The following LIMS1 variants were observed in gnomAD, a reference collection of about 807,000 sequenced individuals.
The protein encoded by LIMS1 is LIM and senescent cell antigen-like-containing domain protein 1.
In LIMS1, 18 loss-of-function variants were observed where a neutral mutation model predicts 44.1. The observed-to-expected ratio is 0.41, with a 90% CI of 0.28 to 0.61. The LOEUF is 0.61. Ranked by LOEUF, LIMS1 falls within the 20% of genes least tolerant of loss-of-function variation. LIMS1 has a pLI of 0.32. For missense variants in LIMS1, 201 were observed against 422.0 expected, an observed-to-expected ratio of 0.48 and a Z score of 4.59; for synonymous variants, 93 against 149.1, an observed-to-expected ratio of 0.62 and a Z score of 2.74.
At chr2:108,598,697 C>T (rs1420728671) in intron 1 of LIMS1, among the ~76,000 whole-genome samples, 1 of 152,202 alleles carries the variant, frequency 6.6e-6, no homozygotes, top group Non-Finnish European at 1.5e-5. Flanking sequence ...TCAGGCAACA[C>T]GGAAGCTGTG....
chr2:108,577,605 A>G (rs768845950), intron 1 of LIMS1, among the ~76,000 whole-genome samples: 1 of 152,214 alleles, frequency 6.6e-6, no homozygotes, highest in Non-Finnish European at 1.5e-5. Flanking sequence ...TAACACTTGC[A>G]TTTGCTCAAA....
At chr2:108,618,823 CAAAA>C (rs36086497) in intron 1 of LIMS1, among the ~76,000 whole-genome samples, 2 of 85,704 alleles carry the variant, frequency 2.3e-5, no homozygotes, top group African/African-American at 4.3e-5. Flanking sequence ...GACTCCGTCT[CAAAA>C]AAAAAAAAAA....
chr2:108,548,778 G>A (rs1268693915), intron 1 of LIMS1, among the ~76,000 whole-genome samples: 1 of 152,164 alleles, frequency 6.6e-6, no homozygotes, highest in Non-Finnish European at 1.5e-5. Flanking sequence ...CGGAAGTTAC[G>A]GCGATAGGTT....
intron 1 of LIMS1, among the ~76,000 whole-genome samples, chr2:108,603,495 CTTTTTTTTTT>C (rs55909729): frequency 4.5e-5 from 4 of 88,224 alleles, no homozygotes; most frequent in Admixed American, 1.7e-4. Context: ...TTTTCATCGC[CTTTTTTTTTT>C]TTTTTTTTTT....
intron 5 of LIMS1, among the ~76,000 whole-genome samples, chr2:108,675,457 C>T (rs1692474984): frequency 6.6e-6 from 1 of 152,126 alleles, no homozygotes; most frequent in African/African-American, 2.4e-5. Context: ...GAGGTCCTAC[C>T]TCTCAACACC....
intron 1 of LIMS1, among the ~76,000 whole-genome samples, chr2:108,535,612 C>G (rs563594418): frequency 1.3e-5 from 2 of 152,296 alleles, no homozygotes; most frequent in Admixed American, 1.3e-4. Context: ...TTAATAGCGC[C>G]GAATAACATT....
intron 5 of LIMS1, chr2:108,673,788 ATT>A (rs1196534507): frequency 6.6e-6 from 1 of 152,138 alleles, no homozygotes; most frequent in East Asian, 1.9e-4. Context: ...CCCCAGAAAT[ATT>A]TGTCATCACT....
chr2:108,553,922 T>C (rs1258303902), intron 1 of LIMS1, among the ~76,000 whole-genome samples: 1 of 152,138 alleles, frequency 6.6e-6, no homozygotes, highest in Non-Finnish European at 1.5e-5. Flanking sequence ...GGGACAAACA[T>C]TTGTGTAGTG....
chr2:108,576,607 G>C (rs1353898029), intron 1 of LIMS1, among the ~76,000 whole-genome samples: 4 of 151,910 alleles, frequency 2.6e-5, no homozygotes, highest in Admixed American at 6.6e-5. Context: ...CACCATATTG[G>C]CCAGGCTGGT....
intron 1 of LIMS1, among the ~76,000 whole-genome samples, chr2:108,627,593 T>C (rs1042759009): frequency 2.0e-5 from 3 of 152,180 alleles, no homozygotes; most frequent in Non-Finnish European, 4.4e-5. Context: ...AAACAAAATC[T>C]TGAAGTCTCA....
At chr2:108,578,358 C>T (rs1573361918) in intron 1 of LIMS1, among the ~76,000 whole-genome samples, 1 of 152,264 alleles carries the variant, frequency 6.6e-6, no homozygotes, top group Non-Finnish European at 1.5e-5. Context: ...TTAATCTCTA[C>T]ATCCTTTCAT....
intron 1 of LIMS1, among the ~76,000 whole-genome samples, chr2:108,597,324 C>T (rs1364842076): frequency 2.0e-5 from 3 of 152,132 alleles, no homozygotes; most frequent in Non-Finnish European, 4.4e-5. Context: ...TTTTGTATAA[C>T]TTCCAGGAAT....
intron 1 of LIMS1, among the ~76,000 whole-genome samples, chr2:108,579,932 G>C (rs1248978463): frequency 3.3e-5 from 5 of 152,236 alleles, no homozygotes; most frequent in Non-Finnish European, 7.3e-5. Context: ...GAGGGCTGTT[G>C]AGATGTGACA....
In LIMS1 at chr2:108,659,639, G is replaced by A. The variant is rs368234287; in HGVS notation, c.67G>A (p.Glu23Lys). 1.2e-4 allele frequency: 190 copies of A among 1,612,094 alleles called. 3 individuals carry two copies. The highest frequency in any genetic ancestry group is 8.0e-4 in the Admixed American group (48 of 60,014). Residue 23 changes from glutamate (E) to lysine (K), a missense_variant, in exon 2 of 10, where the codon GAG (glutamate) becomes AAG (lysine). By Grantham distance (56) the Glu-to-Lys change is moderately conservative. This residue lies in a region of LIMS1 where 101 missense variants were observed against 215.2 expected (regional missense o/e 0.47). Coordinates refer to ENST00000544547, the Ensembl canonical transcript of LIMS1. ...CAACGCCCTGGCCAGCGCCACTTGCGAGCGCTGCAAGGGCGGCTTTGCGCC... is the reference window on the plus strand; with the variant it reads ...CAACGCCCTGGCCAGCGCCACTTGCAAGCGCTGCAAGGGCGGCTTTGCGCC...
At chr2:108,633,499 T>G (rs576704580) in intron 1 of LIMS1, among the ~76,000 whole-genome samples, 1 of 152,386 alleles carries the variant, frequency 6.6e-6, no homozygotes, top group Admixed American at 6.5e-5. Context: ...CCATTTGATT[T>G]GCTTTCCTAA....
intron 1 of LIMS1, among the ~76,000 whole-genome samples, chr2:108,643,786 G>T (rs1367457908): frequency 6.6e-6 from 1 of 152,212 alleles, no homozygotes; most frequent in Non-Finnish European, 1.5e-5. Context: ...TCTTGTGCTA[G>T]TATAGCAGAC....
At chr2:108,572,287 A>G (rs1685503513) in intron 1 of LIMS1, among the ~76,000 whole-genome samples, 1 of 152,030 alleles carries the variant, frequency 6.6e-6, no homozygotes, top group Non-Finnish European at 1.5e-5. Context: ...CAATTTTACA[A>G]TATAAGTTCT....
At chr2:108,592,893 T>G (rs1049116005) in intron 1 of LIMS1, among the ~76,000 whole-genome samples, 3 of 152,226 alleles carry the variant, frequency 2.0e-5, no homozygotes, top group Admixed American at 6.5e-5. Flanking sequence ...TTCCCCTTTT[T>G]ATTGTATTAA....
chr2:108,674,199 G>A lies in LIMS1; in HGVS notation c.530+1170G>A, dbSNP rs533224447. On this transcript the variant is annotated intron_variant, in intron 5 of 9. Transcript: ENST00000544547. ...AAAAAAATTAGCCGGGCACGGTGGCGGGTGCCTATAGTCCCAGCTACTTGG... is the reference window on the plus strand; with the variant it reads ...AAAAAAATTAGCCGGGCACGGTGGCAGGTGCCTATAGTCCCAGCTACTTGG... 1.4e-4 allele frequency among the ~76,000 whole-genome samples: 22 copies of A among 151,998 alleles called. No homozygotes were observed. In the East Asian group the frequency reaches 2.9e-3, roughly 20 times the overall value.
Sources: gnomAD v4.1 joint callset for allele counts (sites outside exome capture counted in the v4.1 genomes callset) on GRCh38, gnomAD v4.1.1 for gene constraint, gnomAD v4.1.1 regional missense constraint, MANE v1.5 for transcripts, NCBI Gene and HGNC (gene_info 2026-07-23, HGNC 2026-07-21) for gene names.